Variants in MACROD2 observed in about 807,000 individuals in gnomAD.
The protein encoded by MACROD2 is mono-ADP ribosylhydrolase 2, also known as ADP-ribose glycohydrolase MACROD2.
In MACROD2, 36 loss-of-function variants were observed where a neutral mutation model predicts 70.4. The ratio of observed to expected loss-of-function variants is 0.51; its 90% CI spans 0.39 to 0.68. The LOEUF is 0.68. Among genes scored for constraint, MACROD2 ranks in the 30% least tolerant of loss-of-function variants. The pLI is 0.00. For synonymous variants in MACROD2, 172 were observed against 178.8 expected (o/e 0.96, Z 0.30); for missense variants, 496 against 538.4 (o/e 0.92, Z 0.78).
intron 4 of MACROD2, among the ~76,000 whole-genome samples, chr20:14,610,846 T>A (rs958272162): frequency 2.0e-5 from 3 of 152,112 alleles, no homozygotes; most frequent in African/African-American, 7.2e-5. Context: ...ATTGTTATTG[T>A]TATTCTTTGT....
intron 4 of MACROD2, among the ~76,000 whole-genome samples, chr20:14,604,152 G>A (rs1211358271): frequency 6.6e-6 from 1 of 152,122 alleles, no homozygotes; most frequent in Admixed American, 6.6e-5. Context: ...TACCAGAACA[G>A]CAGGAAGTTT....
intron 5 of MACROD2, among the ~76,000 whole-genome samples, chr20:14,981,410 G>C (rs982389773): frequency 2.1e-5 from 3 of 143,710 alleles, no homozygotes; most frequent in Non-Finnish European, 3.0e-5. Flanking sequence ...CCAATCATAC[G>C]TGTGTGTGTA....
chr20:15,703,485 C>T lies in MACROD2; in HGVS notation c.646-159260C>T, dbSNP rs117071872. Among the ~76,000 whole-genome samples the T allele has an allele frequency of 4.7e-3, 716 of 152,316 alleles. 1 individual carries two copies. The highest frequency in any genetic ancestry group is 7.5e-3 in the Non-Finnish European group (511 of 68,028). ...CAACCCCCAGTCTATAAACTCTCCACTAAAGCCACACTGATTGACTCACCA... is the reference window on the plus strand; with the variant it reads ...CAACCCCCAGTCTATAAACTCTCCATTAAAGCCACACTGATTGACTCACCA... On this transcript the variant is annotated intron_variant, in intron 8 of 17. Coordinates refer to ENST00000684519, the MANE Select transcript of MACROD2 (RefSeq NM_001351661.2).
At chr20:15,835,747 G>A (rs986019457) in intron 8 of MACROD2, among the ~76,000 whole-genome samples, 7 of 152,210 alleles carry the variant, frequency 4.6e-5, no homozygotes, top group South Asian at 2.1e-4. Context: ...CAATCAACTC[G>A]TATAATAATG....
intron 5 of MACROD2, among the ~76,000 whole-genome samples, chr20:14,831,780 CAAAAAA>C (rs71190151): frequency 0.019 from 692 of 37,068 alleles, 3 homozygotes; most frequent in African/African-American, 0.067. Context: ...AACTCCGTCT[CAAAAAA>C]AAAAAAAAAA....
At chr20:14,963,456 G>A (rs561635933) in intron 5 of MACROD2, among the ~76,000 whole-genome samples, 3 of 152,194 alleles carry the variant, frequency 2.0e-5, no homozygotes, top group Non-Finnish European at 2.9e-5. Flanking sequence ...CCAGAGTCCC[G>A]ACCTCCATGG....
intron 3 of MACROD2, among the ~76,000 whole-genome samples, chr20:14,090,941 C>T (rs2054140684): frequency 6.6e-6 from 1 of 152,146 alleles, no homozygotes; most frequent in Admixed American, 6.5e-5. Flanking sequence ...GCCATTCCAA[C>T]AGGTGTGAAA....
rs892169876 is a variant in MACROD2 at position 15,805,539 on chromosome 20, C to A, written c.646-57206C>A. Among the ~76,000 whole-genome samples the A allele has an allele frequency of 2.0e-5, 3 of 151,664 alleles. 1 individual carries two copies. The East Asian group carries it at 5.8e-4, about 29-fold the overall frequency. The stretch of plus-strand genomic sequence containing the variant: ...TTGCCCAGGCTGGAGTGCAATGGCA[C>A]GATCTCGGCTCACCACAACCTCCGC... On this transcript the variant is annotated intron_variant, in intron 8 of 17. Coordinates refer to ENST00000684519, the MANE Select transcript of MACROD2 (RefSeq NM_001351661.2).
intron 5 of MACROD2, among the ~76,000 whole-genome samples, chr20:15,224,526 A>C (rs1230512731): frequency 6.6e-6 from 1 of 152,208 alleles, no homozygotes; most frequent in East Asian, 1.9e-4. Context: ...GGGTTGCTTG[A>C]AAAGTAGGCG....
chr20:14,010,825 T>C (rs1344607653), intron 2 of MACROD2, among the ~76,000 whole-genome samples: 2 of 152,286 alleles, frequency 1.3e-5, no homozygotes, highest in East Asian at 3.9e-4. Context: ...CCCAGTCTCT[T>C]TCATGATTTC....
At chr20:14,754,084 C>G (rs557685954) in intron 5 of MACROD2, among the ~76,000 whole-genome samples, 1 of 152,118 alleles carries the variant, frequency 6.6e-6, no homozygotes, top group East Asian at 1.9e-4. Context: ...TAAAAGTAAG[C>G]TACCAGTTGG....
chr20:15,579,553 G>A (rs997381103), intron 8 of MACROD2, among the ~76,000 whole-genome samples: 2 of 152,172 alleles, frequency 1.3e-5, no homozygotes, highest in African/African-American at 2.4e-5. Context: ...AAACTGAGGG[G>A]AGCCCTCAGG....
At chr20:15,532,649 A>G (rs2047819614) in intron 8 of MACROD2, among the ~76,000 whole-genome samples, 1 of 127,144 alleles carries the variant, frequency 7.9e-6, no homozygotes, top group Non-Finnish European at 1.6e-5. Flanking sequence ...ACAAAACAAA[A>G]TAAACCAAAA....
intron 4 of MACROD2, among the ~76,000 whole-genome samples, chr20:14,509,902 T>C (rs973942736): frequency 1.3e-5 from 2 of 152,042 alleles, no homozygotes; most frequent in Admixed American, 6.6e-5. Context: ...TATATGCTGA[T>C]ACAGTGAAGT....
chr20:14,627,202 C>T (rs947100703), intron 4 of MACROD2: 56 of 152,186 alleles, frequency 3.7e-4, no homozygotes, highest in African/African-American at 1.3e-3. Context: ...TCGATATCCC[C>T]TACAGAAATG....
intron 5 of MACROD2, among the ~76,000 whole-genome samples, chr20:15,213,874 A>G (rs2145952167): frequency 6.6e-6 from 1 of 152,042 alleles, no homozygotes; most frequent in South Asian, 2.1e-4. Context: ...TCACAAGAGA[A>G]TTCCAAGGGC....
At position 14,588,801 on chromosome 20, in the gene MACROD2, C is replaced by T. The variant is rs115200857; in HGVS notation, c.301+95293C>T. On this transcript the variant is annotated intron_variant, in intron 4 of 17. Coordinates refer to ENST00000684519, the MANE Select transcript of MACROD2 (RefSeq NM_001351661.2). The stretch of plus-strand genomic sequence containing the variant: ...TCTACGTTACATGATAAACATTGTA[C>T]GACATGAGCATGTAGCATTTTATAA... 8.8e-3 allele frequency among the ~76,000 whole-genome samples: 1,338 copies of T among 152,256 alleles called. 22 individuals are homozygous for T. The highest frequency in any genetic ancestry group is 0.03 in the African/African-American group (1,261 of 41,544).
At chr20:14,623,730 G>T (rs1932941) in intron 4 of MACROD2, among the ~76,000 whole-genome samples, 25,881 of 152,030 alleles carry the variant, frequency 0.17, 4,369 homozygotes, top group African/African-American at 0.42. Context: ...GTTGTCCAAG[G>T]TTCACTGAAA....
intron 8 of MACROD2, among the ~76,000 whole-genome samples, chr20:15,738,606 A>G (rs1381246376): frequency 6.6e-6 from 1 of 152,220 alleles, no homozygotes; most frequent in Non-Finnish European, 1.5e-5. Flanking sequence ...AGAAAGCACA[A>G]AATGATTCAA....
Sources: allele counts gnomAD v4.1 joint callset (sites outside exome capture counted in the v4.1 genomes callset), GRCh38; gene constraint gnomAD v4.1.1; transcripts MANE v1.5; gene names NCBI Gene and HGNC (gene_info 2026-07-23, HGNC 2026-07-21).